UIMC1: variants seen among roughly 807,000 people sequenced by gnomAD.
The protein encoded by UIMC1 is BRCA1-A complex subunit RAP80.
Under a neutral mutation model 84.9 loss-of-function variants are expected in UIMC1, and 42 were observed. The ratio of observed to expected loss-of-function variants is 0.49; its 90% CI spans 0.39 to 0.64. The LOEUF is 0.64. UIMC1 is among the 30% of genes least tolerant of loss of function. The pLI, the probability that UIMC1 is intolerant of heterozygous loss-of-function variation, is 0.00. For missense variants in UIMC1, 825 were observed against 847.6 expected (o/e 0.97, Z 0.33); for synonymous variants, 281 against 293.0 (o/e 0.96, Z 0.42).
At chr5:176,938,286 T>G (rs1229087420) in intron 10 of UIMC1, among the ~76,000 whole-genome samples, 1 of 149,286 alleles carries the variant, frequency 6.7e-6, no homozygotes, top group Non-Finnish European at 1.5e-5. Flanking sequence ...TAAAACTAGG[T>G]TGGGAGCCTG....
At chr5:176,943,782 CTA>C (rs1266162647) in intron 9 of UIMC1, among the ~76,000 whole-genome samples, 1 of 152,166 alleles carries the variant, frequency 6.6e-6, no homozygotes, top group African/African-American at 2.4e-5. Flanking sequence ...ATTAAACACT[CTA>C]TATGTATTAC....
At chr5:176,938,922 T>C (rs1047678627) in intron 10 of UIMC1, among the ~76,000 whole-genome samples, 4 of 151,890 alleles carry the variant, frequency 2.6e-5, no homozygotes, top group East Asian at 1.9e-4. Flanking sequence ...AAAACTTCTT[T>C]AGTAAGCTTC....
intron 1 of UIMC1, among the ~76,000 whole-genome samples, chr5:176,998,336 T>C (rs1432400756): frequency 6.6e-6 from 1 of 151,394 alleles, no homozygotes; most frequent in Non-Finnish European, 1.5e-5. Flanking sequence ...TGGTGGCACA[T>C]GTCTGTAATC....
chr5:176,954,188 A>G (rs1011254601), intron 8 of UIMC1, among the ~76,000 whole-genome samples: 1 of 152,178 alleles, frequency 6.6e-6, no homozygotes, highest in African/African-American at 2.4e-5. Context: ...TTTCAAGATC[A>G]ATATATTTGC....
chr5:176,938,189 C>CA (rs1170386962), intron 10 of UIMC1, among the ~76,000 whole-genome samples: 1,422 of 55,786 alleles, frequency 0.025, 15 homozygotes, highest in African/African-American at 0.047. Context: ...GACCCTGTCT[C>CA]AAAAAAAAAA....
intron 2 of UIMC1, among the ~76,000 whole-genome samples, chr5:176,981,779 C>A (rs1364429836): frequency 6.6e-6 from 1 of 151,356 alleles, no homozygotes; most frequent in African/African-American, 2.4e-5. Context: ...CAGAGGGAGA[C>A]CCTGGCTCTA....
intron 1 of UIMC1, among the ~76,000 whole-genome samples, chr5:177,004,593 A>T (rs1775005755): frequency 6.6e-6 from 1 of 152,230 alleles, no homozygotes; most frequent in Non-Finnish European, 1.5e-5. Context: ...TCTTAATGAC[A>T]ATTAAGGAAC....
At chr5:176,986,795 A>G (rs981175747) in intron 1 of UIMC1, among the ~76,000 whole-genome samples, 1 of 152,178 alleles carries the variant, frequency 6.6e-6, no homozygotes. Context: ...ATCATTGAAC[A>G]TTATACTTAG....
At chr5:176,975,965 C>T (rs1180760587) in intron 2 of UIMC1, among the ~76,000 whole-genome samples, 3 of 151,622 alleles carry the variant, frequency 2.0e-5, no homozygotes, top group Admixed American at 6.6e-5. Flanking sequence ...TAATAAGAAA[C>T]GCAAACAAAA....
chr5:176,926,573 G>A (rs189583142), intron 10 of UIMC1, among the ~76,000 whole-genome samples: 12 of 151,914 alleles, frequency 7.9e-5, no homozygotes, highest in Non-Finnish European at 1.6e-4. Context: ...GGAGTTCAAG[G>A]TTACACTAAG....
chr5:177,006,527 G>A (rs893690533), intron 1 of UIMC1, 123 bp downstream of exon 1: 1 of 152,342 alleles, frequency 6.6e-6, no homozygotes, highest in African/African-American at 2.4e-5. Context: ...CCCGGCGTCG[G>A]GAGAGGCCTA....
intron 10 of UIMC1, among the ~76,000 whole-genome samples, chr5:176,923,811 C>A (rs1762011324): frequency 6.7e-6 from 1 of 149,888 alleles, no homozygotes; most frequent in Non-Finnish European, 1.5e-5. Flanking sequence ...TTGCAGTGAG[C>A]CGAGATTGTG....
intron 9 of UIMC1, among the ~76,000 whole-genome samples, chr5:176,946,443 C>T (rs140970074): frequency 0.028 from 4,248 of 151,920 alleles, 124 homozygotes; most frequent in Middle Eastern, 0.12. Flanking sequence ...ACCTGGGAGG[C>T]GGAGGCTGCA....
intron 1 of UIMC1, among the ~76,000 whole-genome samples, chr5:177,005,614 C>T (rs1775140857): frequency 6.6e-6 from 1 of 151,868 alleles, no homozygotes; most frequent in Non-Finnish European, 1.5e-5. Context: ...GGAAACTTAA[C>T]GCAAACAGCG....
intron 1 of UIMC1, chr5:177,001,267 T>A (rs1229269440): frequency 6.6e-6 from 1 of 152,250 alleles, no homozygotes; most frequent in Non-Finnish European, 1.5e-5. Context: ...GAAGAGACTG[T>A]CTTTTCCCCA....
intron 1 of UIMC1, among the ~76,000 whole-genome samples, chr5:176,992,608 G>C (rs1773046291): frequency 6.6e-6 from 1 of 151,540 alleles, no homozygotes; most frequent in Admixed American, 6.6e-5. Flanking sequence ...GACAATCTGG[G>C]CAAAATAGCA....
chr5:176,942,335 C>G (rs917358194), intron 10 of UIMC1, among the ~76,000 whole-genome samples: 247 of 152,258 alleles, frequency 1.6e-3, no homozygotes, highest in African/African-American at 5.7e-3. Flanking sequence ...GAACTTAGTT[C>G]AAGTTCCACA....
chr5:177,007,869 C>T (rs910194695), upstream of UIMC1, among the ~76,000 whole-genome samples: 16 of 152,092 alleles, frequency 1.1e-4, no homozygotes, highest in Non-Finnish European at 2.4e-4. Context: ...CTTTGGGGGG[C>T]CAAGGTAGGC....
At chr5:176,996,161 AT>A (rs1217726424) in intron 1 of UIMC1, among the ~76,000 whole-genome samples, 1 of 152,202 alleles carries the variant, frequency 6.6e-6, no homozygotes, top group Non-Finnish European at 1.5e-5. Flanking sequence ...TCTCAAAGAC[AT>A]TATGGTGAGC....
Sources: gnomAD v4.1 joint callset for allele counts (sites outside exome capture counted in the v4.1 genomes callset) on GRCh38, gnomAD v4.1.1 for gene constraint, MANE v1.5 for transcripts, NCBI Gene and HGNC (gene_info 2026-07-23, HGNC 2026-07-21) for gene names.